Variants in TEX36 observed in about 807,000 individuals in gnomAD.
The protein encoded by TEX36 is testis expressed 36.
Under a neutral mutation model 13.6 loss-of-function variants are expected in TEX36, and 12 were observed. That is an observed-to-expected ratio of 0.88 (90% CI 0.56 to 1.43). TEX36 has a LOEUF of 1.43. Among genes scored for constraint, TEX36 ranks in the 40% most tolerant of loss-of-function variants. The probability of loss-of-function intolerance (pLI) is 0.00; values close to 1 mark genes in which losing one functional copy is unlikely to be tolerated. For missense variants in TEX36, 224 were observed against 228.3 expected (o/e 0.98, Z 0.12); for synonymous variants, 93 against 83.0 (o/e 1.12, Z -0.65).
intron 3 of TEX36, among the ~76,000 whole-genome samples, chr10:125,636,614 A>C (rs1280631660): frequency 1.3e-5 from 2 of 152,034 alleles, no homozygotes; most frequent in African/African-American, 2.4e-5. Flanking sequence ...ACAAATACGA[A>C]CTTTCTAAAC....
At chr10:125,604,506 G>C (rs1406082543) in intron 3 of TEX36, among the ~76,000 whole-genome samples, 1 of 151,582 alleles carries the variant, frequency 6.6e-6, no homozygotes, top group Non-Finnish European at 1.5e-5. Context: ...TGAGACCCCT[G>C]TCTCTACACA....
intron 3 of TEX36, among the ~76,000 whole-genome samples, chr10:125,586,143 C>A (rs751641216): frequency 4.0e-4 from 61 of 152,222 alleles, no homozygotes; most frequent in Non-Finnish European, 7.1e-4. Flanking sequence ...GTGTCCTATA[C>A]ACATGTAGAT....
At chr10:125,597,533 A>G (rs985079712) in intron 3 of TEX36, among the ~76,000 whole-genome samples, 1 of 152,194 alleles carries the variant, frequency 6.6e-6, no homozygotes, top group African/African-American at 2.4e-5. Context: ...AAATCAATAC[A>G]TGGAGGTTTT....
intron 3 of TEX36, among the ~76,000 whole-genome samples, chr10:125,603,718 T>A (rs1011434493): frequency 6.6e-6 from 1 of 152,088 alleles, no homozygotes; most frequent in Non-Finnish European, 1.5e-5. Context: ...GGACAACGTA[T>A]CCACAGTTCC....
At chr10:125,577,863 C>CT (rs1273450874) in intron 3 of TEX36, among the ~76,000 whole-genome samples, 2 of 152,240 alleles carry the variant, frequency 1.3e-5, no homozygotes, top group African/African-American at 4.8e-5. Context: ...GGAGTACTGA[C>CT]TTTTTTTGGT....
intron 3 of TEX36, among the ~76,000 whole-genome samples, chr10:125,644,769 C>A (rs77127178): frequency 0.026 from 3,967 of 152,246 alleles, 176 homozygotes; most frequent in African/African-American, 0.09. Context: ...TGTTATGTTA[C>A]ATGAATTAAA....
chr10:125,680,990 A>G (rs1229384109), intron 1 of TEX36, among the ~76,000 whole-genome samples: 1 of 152,060 alleles, frequency 6.6e-6, no homozygotes, highest in East Asian at 1.9e-4. Context: ...CTCCTCAGAC[A>G]CCCTTTTAGC....
intron 3 of TEX36, among the ~76,000 whole-genome samples, chr10:125,641,717 A>T (rs527278513): frequency 6.6e-6 from 1 of 152,374 alleles, no homozygotes; most frequent in Admixed American, 6.5e-5. Context: ...CATTAAAACA[A>T]GAACCAACAA....
intron 1 of TEX36, among the ~76,000 whole-genome samples, chr10:125,669,618 G>A (rs1018587371): frequency 2.6e-5 from 4 of 151,902 alleles, no homozygotes; most frequent in African/African-American, 9.7e-5. Flanking sequence ...TTAAGTTCTG[G>A]GATACAAGTG....
intron 3 of TEX36, among the ~76,000 whole-genome samples, chr10:125,649,262 T>G (rs61873501): frequency 6.6e-6 from 1 of 152,272 alleles, no homozygotes; most frequent in Admixed American, 6.5e-5. Context: ...AGAGAAATAT[T>G]GGATTACCCA....
At chr10:125,626,472 T>C (rs1035987536) in intron 3 of TEX36, among the ~76,000 whole-genome samples, 13 of 152,248 alleles carry the variant, frequency 8.5e-5, no homozygotes, top group Non-Finnish European at 1.9e-4. Flanking sequence ...TTTCTTTGTC[T>C]GTGCATTCAT....
At chr10:125,603,745 A>G (rs1846179126) in intron 3 of TEX36, among the ~76,000 whole-genome samples, 1 of 152,030 alleles carries the variant, frequency 6.6e-6, no homozygotes, top group African/African-American at 2.4e-5. Flanking sequence ...CAGTCCTAAT[A>G]TTGAAAATCA....
At chr10:125,638,175 T>G (rs1283696081) in intron 3 of TEX36, among the ~76,000 whole-genome samples, 6 of 136,004 alleles carry the variant, frequency 4.4e-5, no homozygotes, top group South Asian at 2.7e-4. Context: ...CCAGCCCCCA[T>G]CCCCCACTGC....
chr10:125,669,512 C>T (rs563041903), intron 1 of TEX36, among the ~76,000 whole-genome samples: 2 of 151,034 alleles, frequency 1.3e-5, no homozygotes, highest in South Asian at 4.2e-4. Flanking sequence ...TCGGCTTTTG[C>T]TGTATCCCAA....
At chr10:125,650,326 A>G (rs990581459) in intron 3 of TEX36, among the ~76,000 whole-genome samples, 1 of 152,208 alleles carries the variant, frequency 6.6e-6, no homozygotes, top group Non-Finnish European at 1.5e-5. Flanking sequence ...TCAAACTAGA[A>G]CTCAGGATTA....
intron 3 of TEX36, among the ~76,000 whole-genome samples, chr10:125,581,357 A>G (rs180935652): frequency 6.6e-6 from 1 of 152,098 alleles, no homozygotes; most frequent in Non-Finnish European, 1.5e-5. Context: ...CCCCTAGCAT[A>G]ACTCACCACT....
chr10:125,631,865 T>C (rs989665833), intron 3 of TEX36, among the ~76,000 whole-genome samples: 1 of 152,228 alleles, frequency 6.6e-6, no homozygotes, highest in East Asian at 1.9e-4. Context: ...TCAGGGGCCA[T>C]GCAGGGAGGA....
intron 3 of TEX36, among the ~76,000 whole-genome samples, chr10:125,580,929 G>C (rs1212000857): frequency 1.3e-5 from 2 of 152,190 alleles, no homozygotes; most frequent in African/African-American, 4.8e-5. Flanking sequence ...CCTCAACCCA[G>C]AGTGGCCTGA....
intron 3 of TEX36, among the ~76,000 whole-genome samples, chr10:125,587,323 G>A (rs1425789666): frequency 1.3e-5 from 2 of 151,870 alleles, no homozygotes; most frequent in East Asian, 3.9e-4. Context: ...ACCCCATCTG[G>A]GGAAAAAAGC....
Sources: gnomAD v4.1 joint callset for allele counts (sites outside exome capture counted in the v4.1 genomes callset) on GRCh38, gnomAD v4.1.1 for gene constraint, MANE v1.5 for transcripts, NCBI Gene and HGNC (gene_info 2026-07-23, HGNC 2026-07-21) for gene names.